Variants in TRADD observed in about 807,000 individuals in gnomAD.
TRADD encodes the protein TNFRSF1A associated via death domain, also known as tumor necrosis factor receptor type 1-associated DEATH domain protein.
Under a neutral mutation model 31.5 loss-of-function variants are expected in TRADD, and 14 were observed. That is an observed-to-expected ratio of 0.44 (90% CI 0.29 to 0.69). The LOEUF is 0.69. Ranked by LOEUF, TRADD falls within the 30% of genes least tolerant of loss-of-function variation. TRADD has a pLI of 0.11. For missense variants in TRADD, 388 were observed against 435.7 expected (o/e 0.89, Z 0.97); for synonymous variants, 220 against 215.8 (o/e 1.02, Z -0.17).
In TRADD at chr16:67,154,559, G is replaced by T; in HGVS notation, c.*90C>A. The T allele has an allele frequency of 6.7e-7, 1 of 1,488,882 alleles. No homozygotes were observed. Among genetic ancestry groups the T allele is most frequent in the Non-Finnish European group, 9.1e-7 (1 of 1,101,106 alleles). The allele number at this position is 1,488,882 out of a possible 1,614,324, so 92.2% of individuals were successfully genotyped here. Reference sequence around the variant, plus strand: ...AGCAGATAGGCCAAGTGGAGTTTCAGGGTCCCGTGGATGGACAGGGGTTCA... The same window carrying T: ...AGCAGATAGGCCAAGTGGAGTTTCATGGTCCCGTGGATGGACAGGGGTTCA... On this transcript the variant is annotated 3_prime_UTR_variant, in exon 5 of 5. Transcript: ENST00000345057. The surrounding 1 kb of genome is among the most constrained non-coding windows in gnomAD (Gnocchi z 5.2).
chr16:67,156,198 T>G lies in TRADD; in HGVS notation c.151+312A>C, dbSNP rs2030689891. On this transcript the variant is annotated intron_variant, in intron 2 of 4. Coordinates refer to ENST00000345057, the MANE Select transcript of TRADD (RefSeq NM_003789.4). This position sits in a 1 kb window ranked among gnomAD's most constrained non-coding sequence, Gnocchi z 4.6. The stretch of plus-strand genomic sequence containing the variant: ...CTGGGGAGGGGTCTTGAGCAAGGAG[T>G]GCTGCAGTAAGAGAGGAAAAGAGGA... 1.4e-6 allele frequency: 2 copies of G among 1,416,214 alleles called. No individual in the cohort carries two copies. The highest frequency in any genetic ancestry group is 2.9e-5 in the African/African-American group (2 of 68,966). The allele number at this position is 1,416,214 out of a possible 1,614,324, so 87.7% of individuals were successfully genotyped here. A position where few individuals can be genotyped will look rare whatever the true frequency, so the allele number is the denominator to read the frequency against.
Position 67,155,188 on chromosome 16 carries a change from G to A in TRADD, c.536C>T (p.Pro179Leu), listed in dbSNP as rs755576787. The A allele has an allele frequency of 2.0e-5, 32 of 1,574,986 alleles. No individual in the cohort carries two copies. Among genetic ancestry groups the A allele is most frequent in the Non-Finnish European group, 2.7e-5 (31 of 1,162,692 alleles). The change falls in exon 4 of 5, where the codon CCC becomes CTC. Residue 179 changes from proline to leucine, a missense_variant. By Grantham distance (98) the Pro-to-Leu change is moderately conservative (BLOSUM62 -3). Coordinates refer to ENST00000345057, the MANE Select transcript of TRADD (RefSeq NM_003789.4). Reference protein sequence around the residue: ...RGGDGEVASAPLQPPVPSLSE... With the variant: ...RGGDGEVASALLQPPVPSLSE... The stretch of plus-strand genomic sequence containing the variant: ...CAGAGAGGGCACCGGGGGCTGCAAG[G>A]GGGCCGAAGCGACCTCCCCGTCGCC...
chr16:67,155,506 C>T lies in TRADD; in HGVS notation c.300G>A (p.Gln100=). The T allele has an allele frequency of 6.5e-7, 1 of 1,537,922 alleles. No homozygotes were observed. The highest frequency in any genetic ancestry group is 1.2e-5 in the South Asian group (1 of 84,604). Residue 100 remains glutamine (Q), a synonymous_variant, in exon 3 of 5, where the codon CAG becomes CAA. Transcript: ENST00000345057. ...YREGALRAAL[Q]RSLAAALAQH... is the part of the protein sequence containing the mutation. ...GGGCGAGCGCGGCCGCCAGGCTCCT[C>T]TGCAGCGCGGCGCGCAGCGCCCCCT...
chr16:67,155,874 G>A (rs1265867846), intron 2 of TRADD: 5 of 1,518,938 alleles, frequency 3.3e-6, no homozygotes, highest in Admixed American at 2.0e-5. Context: ...CTAAGACAGA[G>A]TGGGTGCCAC....
At position 67,154,910 on chromosome 16, in the gene TRADD, C is replaced by T. The variant is rs767769008; in HGVS notation, c.678G>A (p.Val226=). The change falls in exon 5 of 5, where the codon GTG becomes GTA. Residue 226 remains valine (V), a synonymous_variant. Coordinates refer to ENST00000345057, the MANE Select transcript of TRADD (RefSeq NM_003789.4). This position sits in a 1 kb window ranked among gnomAD's most constrained non-coding sequence, Gnocchi z 5.2. ...GCCCCACCTTGCGCCATTTGAGACCCACAGAGCGCGCGAACGTCTGTTGGT... is the reference window on the plus strand; with the variant it reads ...GCCCCACCTTGCGCCATTTGAGACCTACAGAGCGCGCGAACGTCTGTTGGT... ...LKDQQTFARS[V]GLKWRKVGRS... The T allele has an allele frequency of 1.2e-6, 2 of 1,607,174 alleles. No homozygotes were observed. Among genetic ancestry groups the T allele is most frequent in the East Asian group, 2.2e-5 (1 of 44,492 alleles).
Position 67,154,659 on chromosome 16 carries a change from C to T in TRADD, c.929G>A (p.Gly310Asp). ...GGCTGCACCCCTGGTCTAGGCCAGG[C>T]CGCCATTGGGATCGGTCAGGCCCAG... The part of the protein sequence containing the change: ...DLLGLTDPNG[G>D]LA Residue 310 changes from glycine (G) to aspartate (D), a missense_variant, in exon 5 of 5, where the codon GGC becomes GAC. Coordinates refer to ENST00000345057, the MANE Select transcript of TRADD (RefSeq NM_003789.4). The surrounding 1 kb of genome is among the most constrained non-coding windows in gnomAD (Gnocchi z 5.2). 6.2e-7 allele frequency: 1 copy of T among 1,612,576 alleles called. No homozygotes were observed. Among genetic ancestry groups the T allele is most frequent in the Non-Finnish European group, 8.5e-7 (1 of 1,179,872 alleles).
rs758253281 is a variant in TRADD at position 67,156,706 on chromosome 16, C to G, written c.-8-38G>C. On this transcript the variant is annotated intron_variant, in intron 1 of 4. Coordinates refer to ENST00000345057, the MANE Select transcript of TRADD (RefSeq NM_003789.4). This position sits in a 1 kb window ranked among gnomAD's most constrained non-coding sequence, Gnocchi z 4.6. ...ACAGTCAGGTATCCAGTTCATCCCC[C>G]CTCCCTCCACCCTGGAGACAACTAC... The G allele has an allele frequency of 2.5e-6, 4 of 1,610,878 alleles. No individual in the cohort carries two copies. The highest frequency in any genetic ancestry group is 4.5e-5 in the East Asian group (2 of 44,886).
chr16:67,156,142 G>A lies in TRADD; in HGVS notation c.151+368C>T. ...CAGCCTCCTGTGGCCTCTGCCCTGA[G>A]ATGGGAAAGGGGGGCCTGGAAGGGT... is the stretch of plus-strand genomic sequence containing the variant. On this transcript the variant is annotated intron_variant, in intron 2 of 4. Transcript: ENST00000345057. This position sits in a 1 kb window ranked among gnomAD's most constrained non-coding sequence, Gnocchi z 4.6. The A allele has an allele frequency of 7.3e-7, 1 of 1,363,312 alleles. No homozygotes were observed. Among genetic ancestry groups the A allele is most frequent in the Non-Finnish European group, 9.6e-7 (1 of 1,037,768 alleles). The allele number at this position is 1,363,312 out of a possible 1,614,324, so 84.5% of individuals were successfully genotyped here.
In TRADD at chr16:67,155,061, C is replaced by A. The variant is rs769010366; in HGVS notation, c.628+35G>T. 7 of 1,545,022 alleles carry A rather than the reference C, an allele frequency of 4.5e-6. No homozygotes were observed. The African/African-American group carries it at 8.2e-5, about 18-fold the overall frequency. ...CCCCTGCCCCTCCCCAGACTCCAAC[C>A]TCCTGGTGACCCCGCCTCTCCACCT... On this transcript the variant is annotated intron_variant, in intron 4 of 4. Transcript: ENST00000345057.
In TRADD at chr16:67,156,419, A is replaced by T; in HGVS notation, c.151+91T>A. 1 of 1,588,178 alleles carries T rather than the reference A, an allele frequency of 6.3e-7. No individual in the cohort carries two copies. The highest frequency in any genetic ancestry group is 8.5e-7 in the Non-Finnish European group (1 of 1,171,664). On this transcript the variant is annotated intron_variant, in intron 2 of 4. Transcript: ENST00000345057. This position sits in a 1 kb window ranked among gnomAD's most constrained non-coding sequence, Gnocchi z 4.6. ...CCTCCGTCTTGCTCCTCCCACCCCA[A>T]ATCTTCTTCTTAAAGGTGGCTAAAC...
Position 67,156,101 on chromosome 16 carries a change from A to G in TRADD, c.151+409T>C, listed in dbSNP as rs2145908339. Reference sequence around the variant, plus strand: ...CTCGCCGCTCTGAGGCCACGAACAGATCCCCCAACCCGCTTCAGCCTCCTG... The same window carrying G: ...CTCGCCGCTCTGAGGCCACGAACAGGTCCCCCAACCCGCTTCAGCCTCCTG... On this transcript the variant is annotated intron_variant, in intron 2 of 4. Transcript: ENST00000345057. The surrounding 1 kb of genome is among the most constrained non-coding windows in gnomAD (Gnocchi z 4.6). 2 of 1,348,246 alleles carry G rather than the reference A, an allele frequency of 1.5e-6. 1 individual carries two copies. The highest frequency in any genetic ancestry group is 8.8e-5 in the East Asian group (2 of 22,600). 83.5% of individuals were successfully genotyped at this position (1,348,246 alleles called of 1,614,324 possible). A position where few individuals can be genotyped will look rare whatever the true frequency, so the allele number is the denominator to read the frequency against.
intron 1 of TRADD, among the ~76,000 whole-genome samples, chr16:67,158,192 G>A (rs1306408683): frequency 6.6e-6 from 1 of 152,188 alleles, no homozygotes; most frequent in Non-Finnish European, 1.5e-5. Context: ...TTGAGACAGG[G>A]TCTTGCTCTG....
rs767839763 is a variant in TRADD at position 67,155,589 on chromosome 16, C to G, written c.217G>C (p.Val73Leu). 1.9e-6 allele frequency: 3 copies of G among 1,547,990 alleles called. No individual in the cohort carries two copies. Among genetic ancestry groups the G allele is most frequent in the Non-Finnish European group, 2.6e-6 (3 of 1,154,586 alleles). ...KIHRSDPQLIVQLRFCGRQPC... is the reference protein window; with the variant it reads ...KIHRSDPQLILQLRFCGRQPC... ...TGCCGCCCGCAGAATCGCAGCTGCACGATCAGCTGCGGGTCGCTGCGGTGG... is the reference window on the plus strand; with the variant it reads ...TGCCGCCCGCAGAATCGCAGCTGCAGGATCAGCTGCGGGTCGCTGCGGTGG... Residue 73 changes from valine to leucine, a missense_variant, in exon 3 of 5, where the codon GTG becomes CTG. Transcript: ENST00000345057.
chr16:67,157,300 A>G (rs1597230102), intron 1 of TRADD, among the ~76,000 whole-genome samples: 1 of 152,114 alleles, frequency 6.6e-6, no homozygotes, highest in Non-Finnish European at 1.5e-5. Context: ...GGGCTTGTGT[A>G]CCAGACCTGG....
At chr16:67,157,051 A>T (rs2030725336) in intron 1 of TRADD, among the ~76,000 whole-genome samples, 1 of 152,144 alleles carries the variant, frequency 6.6e-6, no homozygotes, top group Non-Finnish European at 1.5e-5. Context: ...TTCATTCTGG[A>T]TGGTGCCCAT....
chr16:67,154,323 C>T lies in TRADD; in HGVS notation c.*326G>A. On this transcript the variant is annotated 3_prime_UTR_variant, in exon 5 of 5. Transcript: ENST00000345057. This position sits in a 1 kb window ranked among gnomAD's most constrained non-coding sequence, Gnocchi z 5.2. ...GTATCTGCAGCACCCAGGATGAAGT[C>T]CAGGACACCAAAGATCAAGGTGCTT... 1 of 489,894 alleles carries T rather than the reference C, an allele frequency of 2.0e-6. No homozygotes were observed. The highest frequency in any genetic ancestry group is 3.7e-5 in the East Asian group (1 of 26,712). 30.3% of individuals were successfully genotyped at this position (489,894 alleles called of 1,614,324 possible).
rs370946463 is a variant in TRADD at position 67,158,306 on chromosome 16, T to C, written c.-9+1532A>G. 3.3e-4 allele frequency among the ~76,000 whole-genome samples: 50 copies of C among 152,298 alleles called. 1 individual carries two copies. In the East Asian group the frequency reaches 6.2e-3, roughly 19 times the overall value. ...TCAACCTTTCAAGTAGCTGGGACTT[T>C]AGGCACACGCCGCCATGCCTGGCTA... On this transcript the variant is annotated intron_variant, in intron 1 of 4. Coordinates refer to ENST00000345057, the MANE Select transcript of TRADD (RefSeq NM_003789.4).
chr16:67,156,358 C>A lies in TRADD; in HGVS notation c.151+152G>T. The A allele has an allele frequency of 1.5e-6, 2 of 1,295,982 alleles. No homozygotes were observed. Among genetic ancestry groups the A allele is most frequent in the Non-Finnish European group, 2.1e-6 (2 of 933,532 alleles). 80.3% of individuals were successfully genotyped at this position (1,295,982 alleles called of 1,614,324 possible). A position where few individuals can be genotyped will look rare whatever the true frequency, so the allele number is the denominator to read the frequency against. On this transcript the variant is annotated intron_variant, in intron 2 of 4. Transcript: ENST00000345057. The surrounding 1 kb of genome is among the most constrained non-coding windows in gnomAD (Gnocchi z 4.6). The stretch of plus-strand genomic sequence containing the variant: ...ACACACGCCTATCCTCAAGGTCATG[C>A]CACAAGCAAAGAAGAGAGTCTGCAC...
At chr16:67,155,717 G>T (rs2030668080) in intron 2 of TRADD, 63 bp from the exon 3 acceptor site, 1 of 1,509,232 alleles carries the variant, frequency 6.6e-7, no homozygotes, top group East Asian at 2.4e-5. Flanking sequence ...CAAACGGCCG[G>T]AGGAGGGGCG....
Sources: allele counts gnomAD v4.1 joint callset (sites outside exome capture counted in the v4.1 genomes callset), GRCh38; gene constraint gnomAD v4.1.1; non-coding constraint Gnocchi (gnomAD v3.1); transcripts MANE v1.5; gene names NCBI Gene and HGNC (gene_info 2026-07-23, HGNC 2026-07-21).